Variants in SLC4A10 observed in about 807,000 individuals in gnomAD.
The protein encoded by SLC4A10 is sodium-driven chloride bicarbonate exchanger.
SLC4A10 carries 42 observed loss-of-function variants against 137.7 expected under a neutral mutation model. That is an observed-to-expected ratio of 0.30 (90% CI 0.24 to 0.39). The LOEUF (loss-of-function observed/expected upper bound fraction) is 0.39. Ranked by LOEUF, SLC4A10 falls within the 10% of genes least tolerant of loss-of-function variation. SLC4A10 has a pLI of 1.00. For synonymous variants in SLC4A10, 474 were observed against 464.1 expected (o/e 1.02, Z -0.27); for missense variants, 925 against 1,355.0 (o/e 0.68, Z 4.98).
chr2:161,721,689 C>T (rs953715612), intron 1 of SLC4A10, among the ~76,000 whole-genome samples: 1 of 152,140 alleles, frequency 6.6e-6, no homozygotes, highest in African/African-American at 2.4e-5. Flanking sequence ...CACGGATTAT[C>T]TTACGGGGGT....
At chr2:161,741,329 G>A (rs1331163942) in intron 1 of SLC4A10, among the ~76,000 whole-genome samples, 2 of 146,498 alleles carry the variant, frequency 1.4e-5, no homozygotes, top group African/African-American at 5.0e-5. Context: ...CGAAGGCTCC[G>A]CTAAAAAAAA....
In SLC4A10 at chr2:161,873,835, T is replaced by C; in HGVS notation, c.859-81T>C. 2.2e-6 allele frequency: 3 copies of C among 1,362,774 alleles called. No individual in the cohort carries two copies. In the South Asian group the frequency reaches 3.7e-5, roughly 17 times the overall value. The allele number at this position is 1,362,774 out of a possible 1,614,324, so 84.4% of individuals were successfully genotyped here. ...CCTAAATAATCTAGATCTAGTTACGTGCATGCTCTCCCTCTGGTGCCTGGC... is the reference window on the plus strand; with the variant it reads ...CCTAAATAATCTAGATCTAGTTACGCGCATGCTCTCCCTCTGGTGCCTGGC... On this transcript the variant is annotated intron_variant, in intron 7 of 26. Coordinates refer to ENST00000446997, the MANE Select transcript of SLC4A10 (RefSeq NM_001178015.2).
chr2:161,746,646 G>A (rs1452804492), intron 1 of SLC4A10, among the ~76,000 whole-genome samples: 1 of 152,230 alleles, frequency 6.6e-6, no homozygotes, highest in African/African-American at 2.4e-5. Flanking sequence ...TTCCTCAGCA[G>A]AAGAAGTATC....
chr2:161,977,891 C>A, intron 26 of SLC4A10, 131 bp downstream of exon 26: 1 of 687,832 alleles, frequency 1.5e-6, no homozygotes, highest in Admixed American at 3.1e-5. Flanking sequence ...GAGTGTTGGG[C>A]TCAGATCCAG....
chr2:161,960,269 C>G (rs1696414269), intron 21 of SLC4A10, among the ~76,000 whole-genome samples: 1 of 147,600 alleles, frequency 6.8e-6, no homozygotes, highest in Admixed American at 7.0e-5. Flanking sequence ...GAGGCTGAGG[C>G]AGGAGAATTG....
chr2:161,717,101 CTGT>C (rs1331613702), intron 1 of SLC4A10, among the ~76,000 whole-genome samples: 2 of 152,028 alleles, frequency 1.3e-5, no homozygotes, highest in Non-Finnish European at 2.9e-5. Flanking sequence ...TTATGCTTGT[CTGT>C]TGTTGGTGTA....
At chr2:161,691,150 C>A (rs2041952419) in intron 1 of SLC4A10, among the ~76,000 whole-genome samples, 1 of 151,952 alleles carries the variant, frequency 6.6e-6, no homozygotes, top group South Asian at 2.1e-4. Context: ...CATTATACAT[C>A]AAGAAAATCA....
At chr2:161,712,479 G>T (rs894982141) in intron 1 of SLC4A10, among the ~76,000 whole-genome samples, 2 of 151,776 alleles carry the variant, frequency 1.3e-5, no homozygotes, top group Non-Finnish European at 2.9e-5. Flanking sequence ...CATCAAAAAT[G>T]TCCAAGACAA....
At chr2:161,730,742 G>A (rs1210844741) in intron 1 of SLC4A10, among the ~76,000 whole-genome samples, 1 of 152,114 alleles carries the variant, frequency 6.6e-6, no homozygotes, top group Non-Finnish European at 1.5e-5. Flanking sequence ...GAAAATAAAG[G>A]AAGAACTAGT....
chr2:161,908,402 C>T (rs1482453083), intron 15 of SLC4A10, among the ~76,000 whole-genome samples: 3 of 123,720 alleles, frequency 2.4e-5, no homozygotes, highest in African/African-American at 9.7e-5. Context: ...CACATGGACA[C>T]AGGAAGGGGA....
At chr2:161,933,400 C>T (rs926310533) in intron 15 of SLC4A10, among the ~76,000 whole-genome samples, 1 of 149,206 alleles carries the variant, frequency 6.7e-6, no homozygotes, top group Non-Finnish European at 1.5e-5. Flanking sequence ...CCTTCCCTTC[C>T]CTTTCCTCTT....
chr2:161,735,718 C>T (rs1022821783), intron 1 of SLC4A10, among the ~76,000 whole-genome samples: 6 of 152,122 alleles, frequency 3.9e-5, no homozygotes, highest in African/African-American at 1.4e-4. Context: ...AAAGCTAATC[C>T]CAGGAAGAAG....
intron 21 of SLC4A10, among the ~76,000 whole-genome samples, chr2:161,960,791 C>A (rs979264041): frequency 3.3e-5 from 5 of 151,682 alleles, no homozygotes; most frequent in Admixed American, 3.3e-4. Flanking sequence ...GTGCTAGGAG[C>A]CACCTGGAGC....
At chr2:161,849,044 G>A (rs745974471) in intron 4 of SLC4A10, among the ~76,000 whole-genome samples, 3 of 152,012 alleles carry the variant, frequency 2.0e-5, no homozygotes, top group Non-Finnish European at 2.9e-5. Context: ...AGCATGGAAT[G>A]TTTTTCCATT....
At chr2:161,890,691 T>C (rs965277685) in intron 10 of SLC4A10, among the ~76,000 whole-genome samples, 4 of 152,280 alleles carry the variant, frequency 2.6e-5, no homozygotes, top group Admixed American at 1.3e-4. Flanking sequence ...TGTCTTTGCA[T>C]GTGAGAGGGG....
chr2:161,832,797 G>A (rs2058515603), intron 3 of SLC4A10, among the ~76,000 whole-genome samples: 1 of 152,186 alleles, frequency 6.6e-6, no homozygotes, highest in South Asian at 2.1e-4. Context: ...CTGGAGTGCA[G>A]TGGCGCGATC....
At chr2:161,813,034 T>A (rs1211421430) in intron 3 of SLC4A10, among the ~76,000 whole-genome samples, 1 of 152,072 alleles carries the variant, frequency 6.6e-6, no homozygotes, top group Non-Finnish European at 1.5e-5. Context: ...TAGCCTGTCC[T>A]TTCCTGAATA....
intron 1 of SLC4A10, among the ~76,000 whole-genome samples, chr2:161,751,224 G>GTTTAGTTCATTTACA (rs1553523063): frequency 1.3e-5 from 2 of 151,520 alleles, no homozygotes; most frequent in African/African-American, 4.8e-5. Flanking sequence ...TCACTGGGGA[G>GTTTAGTTCATTTACA]TTTAGTTCAT....
intron 2 of SLC4A10, among the ~76,000 whole-genome samples, chr2:161,800,335 TTCTA>T (rs1403266389): frequency 6.6e-6 from 1 of 152,174 alleles, no homozygotes; most frequent in Non-Finnish European, 1.5e-5. Context: ...TAGGTCTACT[TTCTA>T]TCTATTATAC....
Sources: allele counts gnomAD v4.1 joint callset (sites outside exome capture counted in the v4.1 genomes callset), GRCh38; gene constraint gnomAD v4.1.1; transcripts MANE v1.5; gene names NCBI Gene and HGNC (gene_info 2026-07-23, HGNC 2026-07-21).